The following RDX variants were observed in gnomAD, a reference collection of about 807,000 sequenced individuals.
RDX encodes the protein deafness, autosomal recessive 24.
In RDX, 32 loss-of-function variants were observed where a neutral mutation model predicts 83.7. That is an observed-to-expected ratio of 0.38 (90% CI 0.29 to 0.51). The LOEUF (loss-of-function observed/expected upper bound fraction) is 0.51. RDX is among the 20% of genes least tolerant of loss of function. The pLI is 0.87. For missense variants in RDX, 600 were observed against 689.9 expected, an observed-to-expected ratio of 0.87 and a Z score of 1.46; for synonymous variants, 229 against 222.7, an observed-to-expected ratio of 1.03 and a Z score of -0.25.
chr11:110,233,314 C>G lies in RDX; in HGVS notation c.1510G>C (p.Gly504Arg). The G allele has an allele frequency of 6.2e-7, 1 of 1,614,136 alleles. No homozygotes were observed. Among genetic ancestry groups the G allele is most frequent in the Middle Eastern group, 1.7e-4 (1 of 6,046 alleles). ...TCCTCGCTTCTATGGTTCATTACCC[C>G]TTCATTTGATAATTCAGCACTAGCT... ...AEASAELSNE[G>R]VMNHRSEEER... The change falls in exon 13 of 14, where the codon GGG becomes CGG. Residue 504 changes from glycine to arginine, a missense_variant. Coordinates refer to ENST00000645495, the MANE Select transcript of RDX (RefSeq NM_002906.4).
At chr11:110,235,243 G>A (rs1864797307) in intron 12 of RDX, among the ~76,000 whole-genome samples, 1 of 152,088 alleles carries the variant, frequency 6.6e-6, no homozygotes, top group African/African-American at 2.4e-5. Flanking sequence ...CAGAGGCTGA[G>A]GTGGGAGGAT....
rs563576501 is a variant in RDX, at chr11:110,295,068, G to C, written c.-65+1399C>G. ...CAGCATACGATTAACTTCAAAAGGA[G>C]TGTTTTACATGTTGCTGTATTTGAA... On this transcript the variant is annotated intron_variant, in intron 1 of 13. Transcript: ENST00000645495. Among the ~76,000 whole-genome samples, 43 of 152,290 alleles carry C rather than the reference G, an allele frequency of 2.8e-4. 1 individual carries two copies. In the South Asian group the frequency reaches 7.0e-3, roughly 25 times the overall value.
chr11:110,199,389 G>C (rs73553578), intron 15 of RDX, among the ~76,000 whole-genome samples: 37 of 152,286 alleles, frequency 2.4e-4, no homozygotes, highest in African/African-American at 8.9e-4. Flanking sequence ...GAAAGAACCT[G>C]GAAGGGATGG....
intron 14 of RDX, among the ~76,000 whole-genome samples, chr11:110,203,668 T>C (rs1012641594): frequency 2.6e-5 from 4 of 151,842 alleles, no homozygotes; most frequent in African/African-American, 9.7e-5. Flanking sequence ...CCCACAAAAA[T>C]TAAAAATAAA....
chr11:110,274,458 G>A (rs1591176353), intron 2 of RDX, among the ~76,000 whole-genome samples: 1 of 152,034 alleles, frequency 6.6e-6, no homozygotes, highest in East Asian at 1.9e-4. Context: ...TTTCTTTCTT[G>A]ATGTGGGCAA....
chr11:110,215,393 TAAATAAATAAATAAATA>T (rs1456875472), intron 14 of RDX, among the ~76,000 whole-genome samples: 1 of 149,452 alleles, frequency 6.7e-6, no homozygotes, highest in African/African-American at 2.4e-5. Flanking sequence ...AATAAATAAA[TAAATAAATAAATAAATA>T]AAATAATAAT....
rs10679213 is a variant in RDX, at chr11:110,233,697, A to AGTC, written c.1345-219_1345-218insGAC. Reference sequence around the variant, plus strand: ...TATTAGAATTACTCTGTGAGCTTCAAAGTGACAGATTAAAAGAAAAACAAG... The same window carrying AGTC: ...TATTAGAATTACTCTGTGAGCTTCAAGTCAGTGACAGATTAAAAGAAAAACAAG... On this transcript the variant is annotated intron_variant, in intron 12 of 13. Transcript: ENST00000645495. Among the ~76,000 whole-genome samples, 71,306 of 151,708 alleles carry AGTC rather than the reference A, an allele frequency of 0.47. 17,275 individuals are homozygous for AGTC. Among genetic ancestry groups the AGTC allele is most frequent in the East Asian group, 0.61 (3,130 of 5,158 alleles).
chr11:110,201,799 C>T (rs543919502), intron 14 of RDX, among the ~76,000 whole-genome samples: 14 of 152,120 alleles, frequency 9.2e-5, no homozygotes, highest in South Asian at 4.1e-4. Flanking sequence ...GCAATGGCGC[C>T]GTCTTGGCTC....
At chr11:110,279,576 C>T in intron 2 of RDX, 105 bp downstream of exon 2, 2 of 775,078 alleles carry the variant, frequency 2.6e-6, no homozygotes, top group Middle Eastern at 2.3e-4. Context: ...AGTATCAGTG[C>T]CTTTTTCTTC....
At chr11:110,204,326 T>G (rs1219317469) in intron 14 of RDX, among the ~76,000 whole-genome samples, 1 of 151,356 alleles carries the variant, frequency 6.6e-6, no homozygotes, top group Non-Finnish European at 1.5e-5. Context: ...AATGTAACTC[T>G]GAAAATGACA....
In RDX at chr11:110,236,138, C is replaced by G. The variant is rs750514673; in HGVS notation, c.1305G>C (p.Lys435Asn). 1 of 1,612,348 alleles carries G rather than the reference C, an allele frequency of 6.2e-7. No homozygotes were observed. The highest frequency in any genetic ancestry group is 8.5e-7 in the Non-Finnish European group (1 of 1,179,880). The change falls in exon 12 of 14, where the codon AAG becomes AAC. Residue 435 changes from lysine (K) to asparagine (N), a missense_variant. Physicochemically the swap from Lys to Asn is moderately conservative, Grantham distance 94 (BLOSUM62 0). Coordinates refer to ENST00000645495, the MANE Select transcript of RDX (RefSeq NM_002906.4). ...TAKIALLEEA[K>N]KKKEEEATEW... is the part of the protein sequence containing the mutation. ...CAGTAGCTTCCTCTTCCTTTTTCTT[C>G]TTGGCTTCCTCTAGAAGTGCAATCT...
At chr11:110,256,962 G>C (rs1041713346) in intron 7 of RDX, among the ~76,000 whole-genome samples, 14 of 152,102 alleles carry the variant, frequency 9.2e-5, no homozygotes, top group African/African-American at 3.4e-4. Flanking sequence ...TAATGCCTTA[G>C]GAAAAGGCAT....
At chr11:110,226,128 G>A (rs924697547), downstream of RDX, among the ~76,000 whole-genome samples, 3 of 151,650 alleles carry the variant, frequency 2.0e-5, no homozygotes, top group Non-Finnish European at 4.4e-5. Flanking sequence ...TCCATTTCTG[G>A]GTATGTACCC....
At chr11:110,233,155 A>T in intron 13 of RDX, 82 bp downstream of exon 13, 1 of 1,556,890 alleles carries the variant, frequency 6.4e-7, no homozygotes, top group Non-Finnish European at 8.8e-7. Context: ...AAACTTCTAT[A>T]TTCTTTTTAA....
intron 14 of RDX, among the ~76,000 whole-genome samples, chr11:110,221,645 C>CACACACAT (rs1555034541): frequency 5.3e-5 from 8 of 150,304 alleles, no homozygotes; most frequent in African/African-American, 2.0e-4. Flanking sequence ...CACACACACA[C>CACACACAT]GAAGATCAAA....
intron 14 of RDX, among the ~76,000 whole-genome samples, chr11:110,203,719 G>C (rs1458105315): frequency 6.6e-6 from 1 of 151,642 alleles, no homozygotes; most frequent in Non-Finnish European, 1.5e-5. Context: ...CTACAAAAAA[G>C]TTTTAAAAAT....
intron 15 of RDX, among the ~76,000 whole-genome samples, chr11:110,197,584 C>T (rs559291605): frequency 6.6e-6 from 1 of 152,174 alleles, no homozygotes; most frequent in African/African-American, 2.4e-5. Flanking sequence ...GTCAAACTCA[C>T]TCAAAGGATT....
At chr11:110,211,504 T>A (rs1179110709) in intron 14 of RDX, among the ~76,000 whole-genome samples, 2 of 150,930 alleles carry the variant, frequency 1.3e-5, no homozygotes, top group African/African-American at 4.9e-5. Flanking sequence ...TCTACAGAAC[T>A]CTCCACCCCA....
chr11:110,289,545 T>G (rs1861128274), intron 1 of RDX, among the ~76,000 whole-genome samples: 1 of 152,114 alleles, frequency 6.6e-6, no homozygotes, highest in African/African-American at 2.4e-5. Flanking sequence ...CTAAGAAAAT[T>G]TAATCCAAGC....
Sources: allele counts gnomAD v4.1 joint callset (sites outside exome capture counted in the v4.1 genomes callset), GRCh38; gene constraint gnomAD v4.1.1; transcripts MANE v1.5; gene names NCBI Gene and HGNC (gene_info 2026-07-23, HGNC 2026-07-21).